Variants in PVT1 observed in about 807,000 individuals in gnomAD.
PVT1 encodes the protein CXCR4/PVT1 fusion.
At chr8:128,031,967 TGTC>T (rs573585517) in intron 4 of PVT1, among the ~76,000 whole-genome samples, 20 of 152,300 alleles carry the variant, frequency 1.3e-4, no homozygotes, top group African/African-American at 4.8e-4. Context: ...AGGACAACCA[TGTC>T]GTGATGATGA....
At chr8:127,843,409 G>A (rs1814994476) in intron 2 of PVT1, among the ~76,000 whole-genome samples, 1 of 152,134 alleles carries the variant, frequency 6.6e-6, no homozygotes, top group Admixed American at 6.5e-5. Context: ...CCAAGTTTTT[G>A]TAAATCAAAC....
chr8:128,035,471 C>G (rs1364427047), intron 4 of PVT1, among the ~76,000 whole-genome samples: 2 of 152,176 alleles, frequency 1.3e-5, no homozygotes, highest in Non-Finnish European at 2.9e-5. Context: ...TGTGTTCCTA[C>G]CCTTCATCCC....
intron 3 of PVT1, among the ~76,000 whole-genome samples, chr8:127,937,580 C>CAGAGAGAGAGAGAGAGAGAG (rs1554598547): frequency 5.6e-5 from 6 of 107,788 alleles, no homozygotes; most frequent in African/African-American, 2.2e-4. Context: ...CACACACACA[C>CAGAGAGAGAGAGAGAGAGAG]AGAGAGAGAG....
chr8:127,918,964 G>C (rs549454483), intron 3 of PVT1, among the ~76,000 whole-genome samples: 2 of 152,182 alleles, frequency 1.3e-5, no homozygotes, highest in African/African-American at 2.4e-5. Context: ...CTCTCGCGGG[G>C]TCGTGGGGGC....
chr8:127,801,889 A>AT (rs1406678587), intron 2 of PVT1, among the ~76,000 whole-genome samples: 1 of 147,378 alleles, frequency 6.8e-6, no homozygotes, highest in African/African-American at 2.5e-5. Flanking sequence ...AAGATATCTC[A>AT]TTATTTATTT....
chr8:127,944,941 C>T (rs1270253815), intron 3 of PVT1, among the ~76,000 whole-genome samples: 1 of 152,166 alleles, frequency 6.6e-6, no homozygotes, highest in Non-Finnish European at 1.5e-5. Flanking sequence ...GGGAACCTCT[C>T]CTGGGCAAAG....
chr8:127,936,741 A>G (rs972596725), intron 3 of PVT1, among the ~76,000 whole-genome samples: 4 of 152,164 alleles, frequency 2.6e-5, no homozygotes, highest in African/African-American at 9.7e-5. Context: ...GGGTGCCTTT[A>G]GGAAGGAACC....
chr8:127,802,406 G>A (rs1563609161), intron 2 of PVT1, among the ~76,000 whole-genome samples: 1 of 151,986 alleles, frequency 6.6e-6, no homozygotes, highest in Non-Finnish European at 1.5e-5. Context: ...GGTAAAGCTG[G>A]GGTCTCCCTG....
chr8:128,086,013 T>C (rs757037050), intron 5 of PVT1, among the ~76,000 whole-genome samples: 4 of 152,216 alleles, frequency 2.6e-5, no homozygotes, highest in Non-Finnish European at 5.9e-5. Flanking sequence ...TTGTCAGCCG[T>C]CGAATGGTTA....
chr8:128,002,348 G>T (rs1817190068), intron 4 of PVT1, among the ~76,000 whole-genome samples: 1 of 152,152 alleles, frequency 6.6e-6, no homozygotes, highest in Non-Finnish European at 1.5e-5. Context: ...TCCTCCCATT[G>T]CTTTACATGT....
At chr8:127,871,225 C>T (rs1037343739) in intron 2 of PVT1, among the ~76,000 whole-genome samples, 1 of 152,296 alleles carries the variant, frequency 6.6e-6, no homozygotes, top group East Asian at 1.9e-4. Context: ...AGGGACACTG[C>T]GTATAAGTGA....
intron 2 of PVT1, among the ~76,000 whole-genome samples, chr8:127,882,181 A>G (rs780026796): frequency 3.9e-5 from 6 of 152,182 alleles, no homozygotes; most frequent in Non-Finnish European, 5.9e-5. Context: ...TGAATGAGGA[A>G]TCGGGTGAGT....
intron 3 of PVT1, among the ~76,000 whole-genome samples, chr8:127,909,651 G>A (rs1300499186): frequency 6.6e-6 from 1 of 152,142 alleles, no homozygotes; most frequent in South Asian, 2.1e-4. Flanking sequence ...AACTGCTTTG[G>A]TCCCACTGTC....
intron 2 of PVT1, among the ~76,000 whole-genome samples, chr8:127,881,205 G>C (rs1480700554): frequency 6.6e-6 from 1 of 152,002 alleles, no homozygotes; most frequent in Admixed American, 6.6e-5. Flanking sequence ...TGCATCTCCC[G>C]AGTCTGACTC....
At chr8:128,013,072 T>C (rs994957650) in intron 4 of PVT1, among the ~76,000 whole-genome samples, 6 of 152,172 alleles carry the variant, frequency 3.9e-5, no homozygotes, top group Non-Finnish European at 8.8e-5. Context: ...TCATTCCTTC[T>C]TCCCTGAAGC....
intron 2 of PVT1, among the ~76,000 whole-genome samples, chr8:127,845,120 A>T (rs182373057): frequency 6.6e-6 from 1 of 152,060 alleles, no homozygotes; most frequent in African/African-American, 2.4e-5. Context: ...GGTTTCTTAA[A>T]TGAGGTGTGT....
intron 3 of PVT1, chr8:127,932,534 C>T (rs1462623467): frequency 5.0e-6 from 2 of 398,484 alleles, no homozygotes; most frequent in Admixed American, 4.4e-5. Context: ...TATCCAACTC[C>T]CCACGCTGTG....
At chr8:127,820,251 G>A (rs1019720490) in intron 2 of PVT1, among the ~76,000 whole-genome samples, 1 of 152,152 alleles carries the variant, frequency 6.6e-6, no homozygotes, top group Non-Finnish European at 1.5e-5. Context: ...AGTAGGTCAC[G>A]GGGCCAAGGG....
intron 3 of PVT1, among the ~76,000 whole-genome samples, chr8:127,966,726 C>A (rs1816706638): frequency 6.6e-6 from 1 of 152,176 alleles, no homozygotes; most frequent in African/African-American, 2.4e-5. Flanking sequence ...AGCCAGTGGC[C>A]ACCCCATTGG....
Sources: allele counts gnomAD v4.1 joint callset (sites outside exome capture counted in the v4.1 genomes callset), GRCh38; gene constraint gnomAD v4.1.1; transcripts MANE v1.5; gene names NCBI Gene and HGNC (gene_info 2026-07-23, HGNC 2026-07-21).